HLTF: variants seen among roughly 807,000 people sequenced by gnomAD.
The protein encoded by HLTF is DNA-dependent ATPase/E3 ubiquitin-protein ligase HLTF.
HLTF carries 127 observed loss-of-function variants against 129.4 expected under a neutral mutation model. That is an observed-to-expected ratio of 0.98 (90% CI 0.85 to 1.14). The LOEUF is 1.14. Among genes scored for constraint, HLTF ranks in the 50% most tolerant of loss-of-function variants. HLTF has a pLI of 0.00. For missense variants in HLTF, 1,139 were observed against 1,187.1 expected (o/e 0.96, Z 0.60); for synonymous variants, 332 against 388.8 (o/e 0.85, Z 1.72).
intron 8 of HLTF, 82 bp downstream of exon 8, chr3:149,068,158 G>C: frequency 1.6e-6 from 1 of 607,448 alleles, no homozygotes; most frequent in Non-Finnish European, 2.9e-6. Context: ...ACAATTTCTT[G>C]GTAGTTTTTT....
chr3:149,072,734 C>G (rs978644440), intron 5 of HLTF, among the ~76,000 whole-genome samples: 5 of 151,992 alleles, frequency 3.3e-5, no homozygotes, highest in African/African-American at 1.2e-4. Flanking sequence ...ATACAAACAT[C>G]AAAAAAGTTT....
At position 149,068,335 on chromosome 3, in the gene HLTF, C is replaced by A; in HGVS notation, c.895G>T (p.Gly299Cys). The A allele has an allele frequency of 7.1e-7, 1 of 1,413,462 alleles. No homozygotes were observed. Among genetic ancestry groups the A allele is most frequent in the South Asian group, 1.2e-5 (1 of 82,220 alleles). 87.6% of individuals were successfully genotyped at this position (1,413,462 alleles called of 1,614,324 possible). Residue 299 changes from glycine (G) to cysteine (C), a missense_variant and splice_region_variant, in exon 8 of 25, where the codon GGT becomes TGT. Coordinates refer to ENST00000310053, the MANE Select transcript of HLTF (RefSeq NM_003071.4). ...ACTGCAATGGCCGTAAGAGTTTTACCCTTAAAAATGTTTTAAAAAGATAAA... is the reference window on the plus strand; with the variant it reads ...ACTGCAATGGCCGTAAGAGTTTTACACTTAAAAATGTTTTAAAAAGATAAA... ...GGILADDMGL[G>C]KTLTAIAVIL...
In HLTF at chr3:149,039,610, T is replaced by G. The variant is rs749914229; in HGVS notation, c.2586A>C (p.Thr862=). Residue 862 remains threonine, a synonymous_variant, in exon 22 of 25, where the codon ACA becomes ACC. Transcript: ENST00000310053. ...GTGGTATTTCTATTAAAGACAGGAATGTTGTAAACTGAGAAACAACCAAAC... is the reference window on the plus strand; with the variant it reads ...GTGGTATTTCTATTAAAGACAGGAAGGTTGTAAACTGAGAAACAACCAAAC... The part of the protein sequence containing the change: ...IKSLVVSQFT[T]FLSLIEIPLK... 17 of 1,581,752 alleles carry G rather than the reference T, an allele frequency of 1.1e-5. No homozygotes were observed. The East Asian group carries it at 3.4e-4, about 31-fold the overall frequency.
At chr3:149,071,130 A>G in intron 7 of HLTF, 122 bp downstream of exon 7, 1 of 568,460 alleles carries the variant, frequency 1.8e-6, no homozygotes, top group South Asian at 3.0e-5. Flanking sequence ...TTCTACAAAG[A>G]TAGTAAGATC....
intron 3 of HLTF, 82 bp from the exon 4 acceptor site, chr3:149,074,430 T>G: frequency 7.6e-7 from 1 of 1,322,184 alleles, no homozygotes; most frequent in Non-Finnish European, 1.0e-6. Flanking sequence ...ATATTTTAAG[T>G]GTATCATTTA....
At position 149,071,274 on chromosome 3, in the gene HLTF, AT is replaced by A. The variant is rs1423546521; in HGVS notation, c.871del (p.Ile291PhefsTer2). On this transcript the variant is annotated frameshift_variant, in exon 7 of 25. Coordinates refer to ENST00000310053, the MANE Select transcript of HLTF (RefSeq NM_003071.4). LOFTEE classifies it high-confidence loss of function. ...KDRPENVHGG[I>X]LADDMGLGKT... is the part of the protein sequence containing the mutation. ...TACCAAACCCATATCATCAGCTAAAATTCCTCCATGGACATTTTCTGGTCGG... is the reference window on the plus strand; with the variant it reads ...TACCAAACCCATATCATCAGCTAAAATCCTCCATGGACATTTTCTGGTCGG... 3 of 1,586,896 alleles carry A rather than the reference AT, an allele frequency of 1.9e-6. No individual in the cohort carries two copies. Among genetic ancestry groups the A allele is most frequent in the Non-Finnish European group, 2.6e-6 (3 of 1,167,816 alleles).
At chr3:149,078,684 C>T (rs576708485) in intron 2 of HLTF, among the ~76,000 whole-genome samples, 2 of 151,948 alleles carry the variant, frequency 1.3e-5, no homozygotes, top group African/African-American at 4.8e-5. Context: ...AGTGAAACCC[C>T]GTCTCTACTA....
Position 149,059,715 on chromosome 3 carries a change from G to A in HLTF, c.1375+3C>T. 6.5e-7 allele frequency: 1 copy of A among 1,545,522 alleles called. No homozygotes were observed. Among genetic ancestry groups the A allele is most frequent in the Non-Finnish European group, 8.8e-7 (1 of 1,134,044 alleles). ...AAACTAGAAAACAAGGATATTTACT[G>A]ACCCTTTTTCAACATTTTCTTTTTT... On this transcript the variant is annotated splice_donor_region_variant and intron_variant, in intron 13 of 24. Coordinates refer to ENST00000310053, the MANE Select transcript of HLTF (RefSeq NM_003071.4).
chr3:149,070,322 G>A (rs1718740833), intron 7 of HLTF, among the ~76,000 whole-genome samples: 1 of 152,210 alleles, frequency 6.6e-6, no homozygotes, highest in Non-Finnish European at 1.5e-5. Flanking sequence ...GAAGAAGCAG[G>A]TGAGAATTCA....
intron 14 of HLTF, among the ~76,000 whole-genome samples, chr3:149,051,371 A>G (rs1716967225): frequency 6.6e-6 from 1 of 152,184 alleles, no homozygotes; most frequent in Non-Finnish European, 1.5e-5. Context: ...AATTACCTAT[A>G]GATAGAAGTG....
intron 2 of HLTF, among the ~76,000 whole-genome samples, chr3:149,076,339 C>T (rs1454444720): frequency 2.0e-5 from 3 of 152,108 alleles, no homozygotes; most frequent in African/African-American, 7.2e-5. Context: ...AACATCATAA[C>T]TTCTGAAAAA....
intron 15 of HLTF, 42 bp from the exon 16 acceptor site, chr3:149,049,043 T>C (rs747451071): frequency 3.0e-6 from 4 of 1,351,562 alleles, no homozygotes; most frequent in Non-Finnish European, 4.2e-6. Context: ...CACAGGAAAG[T>C]AAAATAGTAC....
intron 8 of HLTF, among the ~76,000 whole-genome samples, chr3:149,065,241 A>G (rs1718261865): frequency 6.6e-6 from 1 of 152,158 alleles, no homozygotes; most frequent in African/African-American, 2.4e-5. Context: ...CCATGTTCAG[A>G]TCTTTAATGA....
At chr3:149,065,356 A>G (rs1317789686) in intron 8 of HLTF, among the ~76,000 whole-genome samples, 2 of 152,060 alleles carry the variant, frequency 1.3e-5, no homozygotes, top group African/African-American at 2.4e-5. Flanking sequence ...TCCATGGGGT[A>G]TTTTCCTGCT....
chr3:149,054,562 A>G (rs1717267622), intron 14 of HLTF, among the ~76,000 whole-genome samples: 1 of 152,168 alleles, frequency 6.6e-6, no homozygotes, highest in Admixed American at 6.5e-5. Flanking sequence ...ATTCCAAGAG[A>G]GTCATTATTT....
Position 149,074,347 on chromosome 3 carries a change from C to T in HLTF, c.397G>A (p.Val133Ile), listed in dbSNP as rs756793557. Residue 133 changes from valine to isoleucine, a missense_variant and splice_region_variant, in exon 4 of 25, where the codon GTA (valine) becomes ATA (isoleucine). Coordinates refer to ENST00000310053, the MANE Select transcript of HLTF (RefSeq NM_003071.4). ...GCATTGTTTGCACCAAAAGGAACTACCCTATTATATTTGGGAGAAAAAGAA... is the reference window on the plus strand; with the variant it reads ...GCATTGTTTGCACCAAAAGGAACTATCCTATTATATTTGGGAGAAAAAGAA... ...MDNKLAQIEG[V>I]VPFGANNAFT... The T allele has an allele frequency of 5.0e-6, 8 of 1,601,438 alleles. No individual in the cohort carries two copies. In the African/African-American group the frequency reaches 9.4e-5, roughly 19 times the overall value.
intron 2 of HLTF, 109 bp downstream of exon 2, chr3:149,084,573 A>T: frequency 1.3e-6 from 1 of 788,434 alleles, no homozygotes; most frequent in Non-Finnish European, 2.0e-6. Flanking sequence ...TATTTAACTA[A>T]CTTAAAGTAA....
rs752246801 is a variant in HLTF, at chr3:149,046,168, T to G, written c.1984A>C (p.Lys662Gln). 6.2e-7 allele frequency: 1 copy of G among 1,609,064 alleles called. No homozygotes were observed. The stretch of plus-strand genomic sequence containing the variant: ...AGTGTAATGTGCTGAATAAATACTT[T>G]ACGTTCTGGTAACTCCAAAACAGGT... ...GKPVLELPERKVFIQHITLSD... is the reference protein window; with the variant it reads ...GKPVLELPERQVFIQHITLSD... Residue 662 changes from lysine (K) to glutamine (Q), a missense_variant, in exon 18 of 25, where the codon AAA becomes CAA. Physicochemically the swap from Lys to Gln is moderately conservative, Grantham distance 53. Coordinates refer to ENST00000310053, the MANE Select transcript of HLTF (RefSeq NM_003071.4).
rs897246384 is a variant in HLTF at position 149,046,170 on chromosome 3, C to T, written c.1982G>A (p.Arg661His). The change falls in exon 18 of 25, where the codon CGT becomes CAT. Residue 661 changes from arginine to histidine, a missense_variant. Coordinates refer to ENST00000310053, the MANE Select transcript of HLTF (RefSeq NM_003071.4). The stretch of plus-strand genomic sequence containing the variant: ...TGTAATGTGCTGAATAAATACTTTA[C>T]GTTCTGGTAACTCCAAAACAGGTTT... ...KGKPVLELPE[R>H]KVFIQHITLS... 4.4e-6 allele frequency: 7 copies of T among 1,608,114 alleles called. No individual in the cohort carries two copies. Among genetic ancestry groups the T allele is most frequent in the African/African-American group, 4.0e-5 (3 of 74,732 alleles).
Sources: allele counts gnomAD v4.1 joint callset (sites outside exome capture counted in the v4.1 genomes callset), GRCh38; gene constraint gnomAD v4.1.1; transcripts MANE v1.5; gene names NCBI Gene and HGNC (gene_info 2026-07-23, HGNC 2026-07-21).